Variants in RRP15 observed in about 807,000 individuals in gnomAD.
The protein encoded by RRP15 is ribosomal RNA processing 15 homolog.
A neutral mutation model predicts 27.1 loss-of-function variants in RRP15; 18 were observed. The observed-to-expected ratio is 0.66, with a 90% CI of 0.46 to 0.98. RRP15 has a LOEUF of 0.98. Among genes scored for constraint, RRP15 ranks in the 50% least tolerant of loss-of-function variants. The pLI, the probability that RRP15 is intolerant of heterozygous loss-of-function variation, is 0.00. For missense variants in RRP15, 359 were observed against 337.8 expected (o/e 1.06, Z -0.49); for synonymous variants, 107 against 109.4 (o/e 0.98, Z 0.14).
intron 1 of RRP15, among the ~76,000 whole-genome samples, chr1:218,296,049 A>G (rs1655713903): frequency 6.6e-6 from 1 of 152,216 alleles, no homozygotes; most frequent in Admixed American, 6.5e-5. Context: ...GCCTTGAATA[A>G]CTAGGGGGAT....
At chr1:218,287,691 G>A (rs576968021) in intron 1 of RRP15, among the ~76,000 whole-genome samples, 115 of 150,174 alleles carry the variant, frequency 7.7e-4, no homozygotes, top group South Asian at 4.8e-3. Context: ...CAGCCTAGGC[G>A]TTGCTTACTT....
At chr1:218,292,053 C>T (rs1284492189) in intron 1 of RRP15, among the ~76,000 whole-genome samples, 1 of 152,010 alleles carries the variant, frequency 6.6e-6, no homozygotes, top group Admixed American at 6.6e-5. Context: ...CCAGGCTGTT[C>T]CCAAACTCCT....
chr1:218,305,385 C>T (rs1655883608), intron 3 of RRP15, among the ~76,000 whole-genome samples: 1 of 152,174 alleles, frequency 6.6e-6, no homozygotes, highest in South Asian at 2.1e-4. Flanking sequence ...TGTAATCAGA[C>T]CTCTTACTGC....
At chr1:218,326,204 G>C (rs1656269435) in intron 4 of RRP15, among the ~76,000 whole-genome samples, 1 of 152,148 alleles carries the variant, frequency 6.6e-6, no homozygotes, top group Non-Finnish European at 1.5e-5. Context: ...TACTCGGGAG[G>C]CTGAGGCAGG....
At chr1:218,324,866 C>T (rs924032410) in intron 4 of RRP15, among the ~76,000 whole-genome samples, 6 of 151,898 alleles carry the variant, frequency 4.0e-5, no homozygotes, top group African/African-American at 1.5e-4. Context: ...TATTTAATTT[C>T]CTTTATTAAT....
rs1428015160 is a variant in RRP15 at position 218,334,740 on chromosome 1, T to TA, written c.*3650dup. On this transcript the variant is annotated 3_prime_UTR_variant, in exon 5 of 5. Transcript: ENST00000366932. ...GTATAGACGCTATAAGCCCTGTAGATATTATGGGTATGAAGACTATTTGAG... is the reference window on the plus strand; with the variant it reads ...GTATAGACGCTATAAGCCCTGTAGATAATTATGGGTATGAAGACTATTTGAG... 6.6e-6 allele frequency: 1 copy of TA among 152,176 alleles called. No individual in the cohort carries two copies. The highest frequency in any genetic ancestry group is 1.5e-5 in the Non-Finnish European group (1 of 68,020). The allele number at this position is 152,176 out of a possible 1,614,324, so 9.4% of individuals were successfully genotyped here.
chr1:218,316,241 GTTAAC>G (rs533156054), intron 4 of RRP15, among the ~76,000 whole-genome samples: 5 of 152,086 alleles, frequency 3.3e-5, no homozygotes, highest in Non-Finnish European at 7.4e-5. Flanking sequence ...TTTAGTTACT[GTTAAC>G]TTAAAATTAA....
In RRP15 at chr1:218,319,949, A is replaced by G. The variant is rs145570285; in HGVS notation, c.706-10999A>G. The stretch of plus-strand genomic sequence containing the variant: ...GAATATTTCAAACAACTAATTTACT[A>G]TGAAAATGAATAGAGCACTGTCAAA... On this transcript the variant is annotated intron_variant, in intron 4 of 4. Transcript: ENST00000366932. Among the ~76,000 whole-genome samples the G allele has an allele frequency of 3.2e-4, 48 of 151,798 alleles. No individual in the cohort carries two copies. The East Asian group carries it at 8.3e-3, about 26-fold the overall frequency.
At chr1:218,301,200 A>G (rs1215103644) in intron 1 of RRP15, 1 of 152,140 alleles carries the variant, frequency 6.6e-6, no homozygotes, top group East Asian at 1.9e-4. Flanking sequence ...CTGTTTGTAT[A>G]TTACTGAGTT....
At chr1:218,307,124 C>G (rs1459443853) in intron 3 of RRP15, among the ~76,000 whole-genome samples, 1 of 152,156 alleles carries the variant, frequency 6.6e-6, no homozygotes, top group African/African-American at 2.4e-5. Flanking sequence ...GCTACTGAGG[C>G]ATTATTTTTC....
At chr1:218,309,712 AT>A in intron 4 of RRP15, among the ~76,000 whole-genome samples, 1 of 148,676 alleles carries the variant, frequency 6.7e-6, no homozygotes. Context: ...AAAAAAACAT[AT>A]TTATTAAGTG....
At chr1:218,328,469 T>C (rs1211383450) in intron 4 of RRP15, among the ~76,000 whole-genome samples, 1 of 152,108 alleles carries the variant, frequency 6.6e-6, no homozygotes, top group East Asian at 1.9e-4. Flanking sequence ...GAGACCATCC[T>C]GGCTAACATG....
intron 4 of RRP15, among the ~76,000 whole-genome samples, chr1:218,327,343 C>T (rs948906656): frequency 2.0e-5 from 3 of 152,172 alleles, no homozygotes; most frequent in Admixed American, 6.5e-5. Flanking sequence ...GAGTCTTACT[C>T]CGTCGCTCAG....
intron 4 of RRP15, among the ~76,000 whole-genome samples, chr1:218,317,726 C>CTTTT (rs34893347): frequency 3.3e-5 from 4 of 119,768 alleles, no homozygotes; most frequent in African/African-American, 6.5e-5. Flanking sequence ...GCCCCACACC[C>CTTTT]TTTTTTTTTT....
chr1:218,323,525 ACT>A (rs1423922300), intron 4 of RRP15, among the ~76,000 whole-genome samples: 3 of 151,946 alleles, frequency 2.0e-5, no homozygotes, highest in East Asian at 3.9e-4. Flanking sequence ...ACAAGTTCCC[ACT>A]CTGGTCCCCA....
intron 2 of RRP15, among the ~76,000 whole-genome samples, chr1:218,304,555 A>G (rs1176940513): frequency 6.6e-6 from 1 of 152,252 alleles, no homozygotes; most frequent in Non-Finnish European, 1.5e-5. Context: ...TAGTCATTGT[A>G]TAAGTATCTG....
rs980498146 is a variant in RRP15, at chr1:218,285,950, T to G, written c.139+495T>G. Among the ~76,000 whole-genome samples, 5 of 152,298 alleles carry G rather than the reference T, an allele frequency of 3.3e-5. No homozygotes were observed. The East Asian group carries it at 9.6e-4, about 29-fold the overall frequency. On this transcript the variant is annotated intron_variant, in intron 1 of 4. Transcript: ENST00000366932. ...GTTAAGGTCGATTAAAAACTGGTAG[T>G]GTTTGATAACTATGTCTCTCAGAGA... is the stretch of plus-strand genomic sequence containing the variant.
chr1:218,305,305 A>G (rs1306221105), intron 3 of RRP15, among the ~76,000 whole-genome samples, 180 bp downstream of exon 3: 6 of 152,224 alleles, frequency 3.9e-5, no homozygotes, highest in African/African-American at 1.4e-4. Flanking sequence ...AAGCAAGAAT[A>G]TAATGTGCTA....
rs199910516 is a variant in RRP15, at chr1:218,285,455, G to A, written c.139G>A (p.Gly47Arg). ...GGCCACAGACACTTCTGATAGTGAAGGTAATGTGGTAGGGCTGAGCTTTGG... is the reference window on the plus strand; with the variant it reads ...GGCCACAGACACTTCTGATAGTGAAAGTAATGTGGTAGGGCTGAGCTTTGG... Reference protein sequence around the residue: ...DEATDTSDSEGSCGSEKDHFY... With the variant: ...DEATDTSDSERSCGSEKDHFY... The change falls in exon 1 of 5, where the codon GGA becomes AGA. Residue 47 changes from glycine to arginine, a missense_variant and splice_region_variant. By Grantham distance (125) the Gly-to-Arg change is moderately radical. Transcript: ENST00000366932. The A allele has an allele frequency of 5.6e-6, 9 of 1,614,124 alleles. No homozygotes were observed. Among genetic ancestry groups the A allele is most frequent in the African/African-American group, 4.0e-5 (3 of 75,036 alleles).
Sources: allele counts gnomAD v4.1 joint callset (sites outside exome capture counted in the v4.1 genomes callset), GRCh38; gene constraint gnomAD v4.1.1; transcripts MANE v1.5; gene names NCBI Gene and HGNC (gene_info 2026-07-23, HGNC 2026-07-21).